The following GALNT10 variants were observed in gnomAD, a reference collection of about 807,000 sequenced individuals.
The protein encoded by GALNT10 is GalNAc transferase 10.
Under a neutral mutation model 75.0 loss-of-function variants are expected in GALNT10, and 41 were observed. The observed-to-expected ratio is 0.55, with a 90% CI of 0.43 to 0.71. The LOEUF (loss-of-function observed/expected upper bound fraction) is 0.71, where lower values mean the gene tolerates loss of function less well. GALNT10 is among the 30% of genes least tolerant of loss of function. GALNT10 has a pLI of 0.00. For synonymous variants in GALNT10, 302 were observed against 313.0 expected, an observed-to-expected ratio of 0.96 and a Z score of 0.37; for missense variants, 727 against 818.5, an observed-to-expected ratio of 0.89 and a Z score of 1.36.
At chr5:154,201,428 G>A (rs1216182468) in intron 1 of GALNT10, among the ~76,000 whole-genome samples, 2 of 152,164 alleles carry the variant, frequency 1.3e-5, no homozygotes, top group African/African-American at 2.4e-5. Context: ...ACTTGGAAGT[G>A]TAAGTATATA....
intron 4 of GALNT10, among the ~76,000 whole-genome samples, chr5:154,373,666 C>T (rs1755611871): frequency 6.6e-6 from 1 of 152,148 alleles, no homozygotes; most frequent in African/African-American, 2.4e-5. Context: ...CCCCCCAGCT[C>T]TAAAACTCTA....
intron 3 of GALNT10, among the ~76,000 whole-genome samples, chr5:154,312,356 C>T (rs4958727): frequency 6.6e-6 from 1 of 151,974 alleles, no homozygotes; most frequent in East Asian, 1.9e-4. Flanking sequence ...CCTCTCCCCT[C>T]TCTATCCCCC....
intron 1 of GALNT10, among the ~76,000 whole-genome samples, chr5:154,228,188 T>C (rs1035936557): frequency 6.6e-6 from 1 of 152,202 alleles, no homozygotes; most frequent in Admixed American, 6.5e-5. Context: ...CAATTAAACC[T>C]CTTCTCTTTA....
chr5:154,243,211 G>T (rs1753365645), intron 1 of GALNT10, among the ~76,000 whole-genome samples: 1 of 152,204 alleles, frequency 6.6e-6, no homozygotes, highest in South Asian at 2.1e-4. Flanking sequence ...TTAGCAGTGT[G>T]CCTGGTACAC....
intron 4 of GALNT10, chr5:154,356,026 C>T: frequency 2.4e-6 from 1 of 421,660 alleles, no homozygotes; most frequent in Non-Finnish European, 4.7e-6. Flanking sequence ...ACAGAGAGAG[C>T]CTTCATTTCC....
At chr5:154,210,079 C>T (rs1269623369) in intron 1 of GALNT10, among the ~76,000 whole-genome samples, 1 of 152,164 alleles carries the variant, frequency 6.6e-6, no homozygotes, top group East Asian at 1.9e-4. Context: ...GCATCATTTT[C>T]ATTTCCTCTC....
chr5:154,249,239 T>C (rs1753478081), intron 1 of GALNT10, among the ~76,000 whole-genome samples: 1 of 152,208 alleles, frequency 6.6e-6, no homozygotes, highest in Non-Finnish European at 1.5e-5. Flanking sequence ...TCAGTAGGCC[T>C]GATGTGGAGC....
chr5:154,234,842 G>A (rs1753220452), intron 1 of GALNT10, among the ~76,000 whole-genome samples: 1 of 152,234 alleles, frequency 6.6e-6, no homozygotes, highest in South Asian at 2.1e-4. Flanking sequence ...CAGCCTGGGA[G>A]ATGTTCAAGA....
Position 154,409,559 on chromosome 5 carries a change from G to A in GALNT10, c.1183G>A (p.Glu395Lys), listed in dbSNP as rs751497664. The change falls in exon 9 of 12, where the codon GAA (glutamate) becomes AAA (lysine). Residue 395 changes from glutamate (E) to lysine (K), a missense_variant. Physicochemically the swap from Glu to Lys is moderately conservative, Grantham distance 56. Transcript: ENST00000297107. The surrounding 1 kb of genome is among the most constrained non-coding windows in gnomAD (Gnocchi z 4.5). ...CCCATAGAACCTTAAGCGGGTGGCC[G>A]AAGTGTGGATGGATGAGTACGCAGA... Reference protein sequence around the residue: ...SLARNLKRVAEVWMDEYAEYI... With the variant: ...SLARNLKRVAKVWMDEYAEYI... 6.8e-6 allele frequency: 11 copies of A among 1,613,116 alleles called. No homozygotes were observed. The highest frequency in any genetic ancestry group is 5.0e-5 in the Admixed American group (3 of 60,016).
chr5:154,413,025 G>C lies in GALNT10; in HGVS notation c.1503+20G>C. The C allele has an allele frequency of 6.8e-7, 1 of 1,481,324 alleles. No individual in the cohort carries two copies. Among genetic ancestry groups the C allele is most frequent in the Middle Eastern group, 1.7e-4 (1 of 5,804 alleles). 91.8% of individuals were successfully genotyped at this position (1,481,324 alleles called of 1,614,324 possible). A position where few individuals can be genotyped will look rare whatever the true frequency, so the allele number is the denominator to read the frequency against. ...ATGCAGGTAAGGGCCGCCCCTCAGG[G>C]ACTGGCAGCCAGGTTCTCTGAAACA... is the stretch of plus-strand genomic sequence containing the variant. On this transcript the variant is annotated intron_variant, in intron 10 of 11. Transcript: ENST00000297107.
chr5:154,219,760 A>T (rs1752942650), intron 1 of GALNT10: 1 of 151,736 alleles, frequency 6.6e-6, no homozygotes, highest in African/African-American at 2.4e-5. Context: ...AAAACAGATA[A>T]CTGATCCAGA....
At chr5:154,312,316 C>T (rs1246275112) in intron 3 of GALNT10, among the ~76,000 whole-genome samples, 2 of 152,112 alleles carry the variant, frequency 1.3e-5, no homozygotes, top group Non-Finnish European at 2.9e-5. Flanking sequence ...CCTCCTTCTC[C>T]ACACCTTTCA....
At chr5:154,356,316 T>A in intron 4 of GALNT10, 2 of 416,116 alleles carry the variant, frequency 4.8e-6, no homozygotes, top group South Asian at 3.4e-5. Flanking sequence ...CTCTTAAAAG[T>A]TGATGCTTAT....
At chr5:154,407,436 A>G (rs1444630626) in intron 8 of GALNT10, among the ~76,000 whole-genome samples, 1 of 152,244 alleles carries the variant, frequency 6.6e-6, no homozygotes, top group Non-Finnish European at 1.5e-5. Flanking sequence ...AGATACAATT[A>G]TGCAATATTA....
At chr5:154,337,706 C>T (rs989033030) in intron 4 of GALNT10, 5 of 1,201,752 alleles carry the variant, frequency 4.2e-6, no homozygotes, top group Non-Finnish European at 4.9e-6. Context: ...TATAGCCATC[C>T]CCACCGCCAC....
At chr5:154,288,364 G>T (rs1182340254) in intron 1 of GALNT10, among the ~76,000 whole-genome samples, 1 of 151,572 alleles carries the variant, frequency 6.6e-6, no homozygotes, top group African/African-American at 2.4e-5. Context: ...TCCAAAGGCT[G>T]CCAGGCCTGC....
chr5:154,412,456 C>A lies in GALNT10; in HGVS notation c.1387-433C>A. On this transcript the variant is annotated intron_variant, in intron 9 of 11. Coordinates refer to ENST00000297107, the MANE Select transcript of GALNT10 (RefSeq NM_198321.4). The surrounding 1 kb of genome is among the most constrained non-coding windows in gnomAD (Gnocchi z 4.2). The stretch of plus-strand genomic sequence containing the variant: ...CCTGTCCTAAGGGACAGAGACAGTC[C>A]ATGACATACAGCAAAGGTTTCATGT... 4.8e-6 allele frequency: 1 copy of A among 209,602 alleles called. No individual in the cohort carries two copies. 13.0% of individuals were successfully genotyped at this position (209,602 alleles called of 1,614,324 possible).
chr5:154,415,293 G>A (rs12654212), intron 10 of GALNT10, among the ~76,000 whole-genome samples: 1 of 151,994 alleles, frequency 6.6e-6, no homozygotes, highest in South Asian at 2.1e-4. Context: ...TGAGGGTAAG[G>A]ATAGGGGTGG....
Position 154,263,405 on chromosome 5 carries a change from C to T in GALNT10, c.160-31411C>T, listed in dbSNP as rs538001667. ...TGAAAGAAGCCAGACACAAAGACCACGTATTGCATGATTCCATTTATACGG... is the reference window on the plus strand; with the variant it reads ...TGAAAGAAGCCAGACACAAAGACCATGTATTGCATGATTCCATTTATACGG... On this transcript the variant is annotated intron_variant, in intron 1 of 11. Transcript: ENST00000297107. Among the ~76,000 whole-genome samples, 6 of 152,266 alleles carry T rather than the reference C, an allele frequency of 3.9e-5. No individual in the cohort carries two copies. In the East Asian group the frequency reaches 7.7e-4, roughly 20 times the overall value.
Sources: gnomAD v4.1 joint callset for allele counts (sites outside exome capture counted in the v4.1 genomes callset) on GRCh38, gnomAD v4.1.1 for gene constraint, Gnocchi (gnomAD v3.1) non-coding constraint, MANE v1.5 for transcripts, NCBI Gene and HGNC (gene_info 2026-07-23, HGNC 2026-07-21) for gene names.